The following SIDT2 variants were observed in gnomAD, a reference collection of about 807,000 sequenced individuals.
The protein encoded by SIDT2 is SID1 transmembrane family member 2, also known as SID1 transmembrane family, member 2.
SIDT2 carries 68 observed loss-of-function variants against 114.4 expected under a neutral mutation model. The observed-to-expected ratio is 0.59, with a 90% confidence interval of 0.49 to 0.73. The LOEUF (loss-of-function observed/expected upper bound fraction) is 0.73. Ranked by LOEUF, SIDT2 falls within the 30% of genes least tolerant of loss-of-function variation. The pLI, the probability that SIDT2 is intolerant of heterozygous loss-of-function variation, is 0.00. For synonymous variants in SIDT2, 470 were observed against 438.4 expected (o/e 1.07, Z -0.90); for missense variants, 918 against 1,097.1 (o/e 0.84, Z 2.31).
chr11:117,195,138 C>G (rs2030853771), intron 24 of SIDT2, among the ~76,000 whole-genome samples: 1 of 139,616 alleles, frequency 7.2e-6, no homozygotes, highest in South Asian at 2.2e-4. Flanking sequence ...GAGAAGAGCC[C>G]CATGGCCCAG....
In SIDT2 at chr11:117,185,605, C is replaced by T. The variant is rs143074872; in HGVS notation, c.869-525C>T. ...GGTGGAATTTTTGAGAGGCCAGGCA[C>T]GGTGGCTCACGCCTATAATCCCAGA... On this transcript the variant is annotated intron_variant, in intron 8 of 25. Transcript: ENST00000324225. Among the ~76,000 whole-genome samples the T allele has an allele frequency of 8.4e-3, 1,276 of 152,130 alleles. 14 individuals carry two copies. Among genetic ancestry groups the T allele is most frequent in the African/African-American group, 0.029 (1,220 of 41,508 alleles).
Position 117,188,651 on chromosome 11 carries a change from G to A in SIDT2, c.1160-57G>A. On this transcript the variant is annotated intron_variant, in intron 12 of 25. Transcript: ENST00000324225. This position sits in a 1 kb window ranked among gnomAD's most constrained non-coding sequence, Gnocchi z 4.0. Reference sequence around the variant, plus strand: ...TGTTACAATTGCCTCAGATGGGCGAGGGCCACTGTGGGTTTTGTGTCCACC... The same window carrying A: ...TGTTACAATTGCCTCAGATGGGCGAAGGCCACTGTGGGTTTTGTGTCCACC... The A allele has an allele frequency of 7.5e-7, 1 of 1,336,006 alleles. No individual in the cohort carries two copies. The highest frequency in any genetic ancestry group is 1.1e-6 in the Non-Finnish European group (1 of 927,048). The allele number at this position is 1,336,006 out of a possible 1,614,324, so 82.8% of individuals were successfully genotyped here.
At position 117,179,258 on chromosome 11, in the gene SIDT2, G is replaced by A. The variant is rs1161651075; in HGVS notation, c.-6G>A. 1 of 1,606,362 alleles carries A rather than the reference G, an allele frequency of 6.2e-7. No homozygotes were observed. The highest frequency in any genetic ancestry group is 8.5e-7 in the Non-Finnish European group (1 of 1,176,092). Reference sequence around the variant, plus strand: ...CCACCGCTGCCACTGCCGCCCTGCCGGGGCCATGTTCGCTCTGGGCTTGCC... The same window carrying A: ...CCACCGCTGCCACTGCCGCCCTGCCAGGGCCATGTTCGCTCTGGGCTTGCC... On this transcript the variant is annotated 5_prime_UTR_variant, in exon 1 of 26. Transcript: ENST00000324225.
At position 117,189,154 on chromosome 11, in the gene SIDT2, C is replaced by G; in HGVS notation, c.1279-15C>G. On this transcript the variant is annotated splice_polypyrimidine_tract_variant and intron_variant, in intron 13 of 25. Coordinates refer to ENST00000324225, the MANE Select transcript of SIDT2 (RefSeq NM_001040455.2). The stretch of plus-strand genomic sequence containing the variant: ...CAAGTAGCAGTAAGTGGGGCTGATT[C>G]CAGCTTCTCCCCAGCAATACCTCTA... 1 of 1,613,940 alleles carries G rather than the reference C, an allele frequency of 6.2e-7. No homozygotes were observed. The highest frequency in any genetic ancestry group is 8.5e-7 in the Non-Finnish European group (1 of 1,179,770).
At chr11:117,187,475 T>C in intron 11 of SIDT2, 26 bp downstream of exon 11, 1 of 1,611,042 alleles carries the variant, frequency 6.2e-7, no homozygotes, top group Non-Finnish European at 8.5e-7. Flanking sequence ...AGCACCGTGC[T>C]TGCTGGGGAC....
At position 117,188,685 on chromosome 11, in the gene SIDT2, C is replaced by T; in HGVS notation, c.1160-23C>T. 6.3e-7 allele frequency: 1 copy of T among 1,587,980 alleles called. No homozygotes were observed. The highest frequency in any genetic ancestry group is 8.6e-7 in the Non-Finnish European group (1 of 1,156,212). On this transcript the variant is annotated intron_variant, in intron 12 of 25. Transcript: ENST00000324225. The surrounding 1 kb of genome is among the most constrained non-coding windows in gnomAD (Gnocchi z 4.0). ...TGGGTTTTGTGTCCACCGGTGCAAC[C>T]CCTCCCTCCCTGCCCTTTCCAGGCC...
In SIDT2 at chr11:117,179,390, G is replaced by T; in HGVS notation, c.127G>T (p.Val43Phe). The change falls in exon 1 of 26, where the codon GTC becomes TTC. Residue 43 changes from valine (V) to phenylalanine (F), a missense_variant. Physicochemically the swap from Val to Phe is conservative, Grantham distance 50 (BLOSUM62 -1). This residue lies in a region of SIDT2 where 553 missense variants were observed against 600.1 expected (regional missense o/e 0.92). Transcript: ENST00000324225. ...AEFERTYVDE[V>F]NSELVNIYTF... ...GTTTGAGCGCACCTACGTGGACGAG[G>T]TCAACAGCGAGCTGGTCAACATCTA... 1 of 1,613,934 alleles carries T rather than the reference G, an allele frequency of 6.2e-7. No homozygotes were observed. Among genetic ancestry groups the T allele is most frequent in the Non-Finnish European group, 8.5e-7 (1 of 1,179,988 alleles).
chr11:117,196,360 C>G lies in SIDT2; in HGVS notation c.*294C>G. 1 of 450,814 alleles carries G rather than the reference C, an allele frequency of 2.2e-6. No homozygotes were observed. The highest frequency in any genetic ancestry group is 2.7e-5 in the South Asian group (1 of 37,290). The allele number at this position is 450,814 out of a possible 1,614,324, so 27.9% of individuals were successfully genotyped here. ...TTCCATGGGCCCCTGTCCTTTGGCT[C>G]TCCATTTGTCCCTTTGCAAGAGGAA... On this transcript the variant is annotated 3_prime_UTR_variant, in exon 26 of 26. Transcript: ENST00000324225. This position sits in a 1 kb window ranked among gnomAD's most constrained non-coding sequence, Gnocchi z 4.9.
In SIDT2 at chr11:117,188,190, G is replaced by A. The variant is rs905316080; in HGVS notation, c.1159+491G>A. The A allele has an allele frequency of 3.1e-5, 11 of 359,504 alleles. No individual in the cohort carries two copies. The East Asian group carries it at 3.7e-4, about 12-fold the overall frequency. 22.3% of individuals were successfully genotyped at this position (359,504 alleles called of 1,614,324 possible). On this transcript the variant is annotated intron_variant, in intron 12 of 25. Transcript: ENST00000324225. This position sits in a 1 kb window ranked among gnomAD's most constrained non-coding sequence, Gnocchi z 4.0. ...CTAGTTTATCGTCTGCGTTGCCAGC[G>A]CCCTCACTCCCTGGCCTGCTTGGGG...
intron 24 of SIDT2, among the ~76,000 whole-genome samples, chr11:117,194,700 G>A (rs1249924707): frequency 1.3e-5 from 2 of 152,170 alleles, no homozygotes; most frequent in Admixed American, 6.5e-5. Context: ...CAGGCAAGAC[G>A]GGGCAGGAGG....
chr11:117,192,190 G>C lies in SIDT2; in HGVS notation c.1873-64G>C. Reference sequence around the variant, plus strand: ...CTGGCTGAGCAGCCAGCCCCAGGAAGGGTGGGCCATCCGAGCCACTTCCCT... The same window carrying C: ...CTGGCTGAGCAGCCAGCCCCAGGAACGGTGGGCCATCCGAGCCACTTCCCT... On this transcript the variant is annotated intron_variant, in intron 19 of 25. Transcript: ENST00000324225. This position sits in a 1 kb window ranked among gnomAD's most constrained non-coding sequence, Gnocchi z 5.9. 1 of 1,477,184 alleles carries C rather than the reference G, an allele frequency of 6.8e-7. No individual in the cohort carries two copies. The highest frequency in any genetic ancestry group is 1.1e-5 in the South Asian group (1 of 87,660). 91.5% of individuals were successfully genotyped at this position (1,477,184 alleles called of 1,614,324 possible).
At chr11:117,189,069 C>T (rs1360571122) in intron 13 of SIDT2, 100 bp from the exon 14 acceptor site, 11 of 1,259,124 alleles carry the variant, frequency 8.7e-6, no homozygotes, top group South Asian at 1.2e-5. Context: ...CCCCTGAATT[C>T]GGCCCTGTGT....
chr11:117,181,691 T>C, intron 2 of SIDT2, 116 bp from the exon 3 acceptor site: 1 of 1,570,572 alleles, frequency 6.4e-7, no homozygotes, highest in Non-Finnish European at 8.7e-7. Flanking sequence ...CGGGAGCTTG[T>C]GCACCTCGCA....
rs1157196956 is a variant in SIDT2, at chr11:117,182,516, C to T, written c.517-3C>T. 6.2e-7 allele frequency: 1 copy of T among 1,613,654 alleles called. No individual in the cohort carries two copies. Among genetic ancestry groups the T allele is most frequent in the African/African-American group, 1.3e-5 (1 of 74,928 alleles). On this transcript the variant is annotated splice_polypyrimidine_tract_variant and splice_region_variant and intron_variant, in intron 4 of 25. Transcript: ENST00000324225. ...GGCTCTCCCTTCCTTCCTGCACCCT[C>T]AGTACTTCAAGTATGAGTTCCCTGA... is the stretch of plus-strand genomic sequence containing the variant.
chr11:117,188,674 ACCGGTG>A lies in SIDT2; in HGVS notation c.1160-32_1160-27del. Reference sequence around the variant, plus strand: ...GAGGGCCACTGTGGGTTTTGTGTCCACCGGTGCAACCCCTCCCTCCCTGCCCTTTCC... The same window carrying A: ...GAGGGCCACTGTGGGTTTTGTGTCCACAACCCCTCCCTCCCTGCCCTTTCC... On this transcript the variant is annotated intron_variant, in intron 12 of 25. Coordinates refer to ENST00000324225, the MANE Select transcript of SIDT2 (RefSeq NM_001040455.2). The surrounding 1 kb of genome is among the most constrained non-coding windows in gnomAD (Gnocchi z 4.0). 6.4e-7 allele frequency: 1 copy of A among 1,551,846 alleles called. No individual in the cohort carries two copies. Among genetic ancestry groups the A allele is most frequent in the Non-Finnish European group, 8.9e-7 (1 of 1,123,600 alleles).
At chr11:117,187,593 C>A (rs552545405) in intron 11 of SIDT2, 35 bp from the exon 12 acceptor site, 1 of 1,612,948 alleles carries the variant, frequency 6.2e-7, no homozygotes, top group East Asian at 2.2e-5. Flanking sequence ...CCTGCGGCCT[C>A]TCCTTCCTGC....
chr11:117,179,513 G>GC, intron 1 of SIDT2, 67 bp downstream of exon 1: 1 of 1,526,034 alleles, frequency 6.6e-7, no homozygotes, highest in Non-Finnish European at 8.9e-7. Flanking sequence ...CGATTCTGCC[G>GC]CCCCGCTACC....
Position 117,179,078 on chromosome 11 carries a change from G to A in SIDT2, c.-186G>A. ...CTCCCGGCCGCCCCCTCCCCTGCGG[G>A]GACCCTGGGAGCCTCTTCGGGGCTC... On this transcript the variant is annotated 5_prime_UTR_variant, in exon 1 of 26. Coordinates refer to ENST00000324225, the MANE Select transcript of SIDT2 (RefSeq NM_001040455.2). 1.6e-6 allele frequency: 1 copy of A among 635,906 alleles called. No homozygotes were observed. Among genetic ancestry groups the A allele is most frequent in the Non-Finnish European group, 2.7e-6 (1 of 375,300 alleles). The allele number at this position is 635,906 out of a possible 1,614,324, so 39.4% of individuals were successfully genotyped here.
In SIDT2 at chr11:117,192,651, G is replaced by C; in HGVS notation, c.2058+1G>C. On this transcript the variant is annotated splice_donor_variant, in intron 21 of 25. Transcript: ENST00000324225. LOFTEE classifies it high-confidence loss of function. The surrounding 1 kb of genome is among the most constrained non-coding windows in gnomAD (Gnocchi z 5.9). ...GCAGTGCAGCGGGCCGCTCTACGTG[G>C]TACCTGCCTGGTTCCCCTGCTCCAT... The C allele has an allele frequency of 6.2e-7, 1 of 1,612,674 alleles. No individual in the cohort carries two copies. The highest frequency in any genetic ancestry group is 8.5e-7 in the Non-Finnish European group (1 of 1,180,022).
Sources: allele counts gnomAD v4.1 joint callset (sites outside exome capture counted in the v4.1 genomes callset), GRCh38; gene constraint gnomAD v4.1.1; regional missense constraint gnomAD v4.1.1; non-coding constraint Gnocchi (gnomAD v3.1); transcripts MANE v1.5; gene names NCBI Gene and HGNC (gene_info 2026-07-23, HGNC 2026-07-21).